Variants in JPH1 observed in about 807,000 individuals in gnomAD.
JPH1 encodes the protein junctophilin-1.
JPH1 carries 12 observed loss-of-function variants against 53.6 expected under a neutral mutation model. The observed-to-expected ratio is 0.22, with a 90% CI of 0.14 to 0.36. JPH1 has a LOEUF of 0.36. JPH1 is among the 10% of genes least tolerant of loss of function. JPH1 has a pLI of 1.00. For missense variants in JPH1, 808 were observed against 905.5 expected, an observed-to-expected ratio of 0.89 and a Z score of 1.38; for synonymous variants, 375 against 363.8, an observed-to-expected ratio of 1.03 and a Z score of -0.35.
chr8:74,292,266 T>C (rs1203604219), intron 2 of JPH1, among the ~76,000 whole-genome samples: 1 of 152,248 alleles, frequency 6.6e-6, no homozygotes, highest in Non-Finnish European at 1.5e-5. Flanking sequence ...CACAGTGATG[T>C]GGAATGTTCC....
chr8:74,244,881 G>A lies in JPH1; in HGVS notation c.1553C>T (p.Ala518Val). Reference protein sequence around the residue: ...AIVNKPLMSKAPTKEAGAVVP... With the variant: ...AIVNKPLMSKVPTKEAGAVVP... Reference sequence around the variant, plus strand: ...AACCGCTCCTGCCTCCTTCGTGGGAGCCTTTGACATCAAGGGCTTATTGAC... The same window carrying A: ...AACCGCTCCTGCCTCCTTCGTGGGAACCTTTGACATCAAGGGCTTATTGAC... Residue 518 changes from alanine to valine, a missense_variant, in exon 4 of 6, where the codon GCT becomes GTT. Around this residue, in one of 2 missense-constraint regions of JPH1, gnomAD observed 756 missense variants for 811.9 expected, o/e 0.93. Transcript: ENST00000342232. 1 of 1,614,170 alleles carries A rather than the reference G, an allele frequency of 6.2e-7. No individual in the cohort carries two copies. The highest frequency in any genetic ancestry group is 1.7e-5 in the Admixed American group (1 of 60,014).
At chr8:74,301,390 G>A (rs1036157077) in intron 2 of JPH1, among the ~76,000 whole-genome samples, 8 of 152,174 alleles carry the variant, frequency 5.3e-5, no homozygotes, top group Admixed American at 5.2e-4. Context: ...AAATTTTAGT[G>A]TGCCCAAGAA....
chr8:74,311,000 T>C (rs971444132), intron 2 of JPH1, among the ~76,000 whole-genome samples: 6 of 152,180 alleles, frequency 3.9e-5, no homozygotes, highest in Admixed American at 1.3e-4. Flanking sequence ...AGATCTGAAA[T>C]TGGGGGCCTT....
chr8:74,291,864 A>T (rs1473721482), intron 2 of JPH1, among the ~76,000 whole-genome samples: 1 of 152,214 alleles, frequency 6.6e-6, no homozygotes, highest in Non-Finnish European at 1.5e-5. Context: ...GGATGAGTTC[A>T]TGTCCTTTGT....
intron 2 of JPH1, among the ~76,000 whole-genome samples, chr8:74,278,991 AC>A (rs1563408657): frequency 1.6e-5 from 1 of 64,094 alleles, no homozygotes; most frequent in African/African-American, 8.3e-5. Flanking sequence ...ACACGCGCGC[AC>A]ACACACACAC....
At chr8:74,285,346 T>C (rs973283872) in intron 2 of JPH1, among the ~76,000 whole-genome samples, 3 of 152,040 alleles carry the variant, frequency 2.0e-5, no homozygotes, top group African/African-American at 7.2e-5. Context: ...TATATGTATT[T>C]AAAATATTTT....
intron 1 of JPH1, among the ~76,000 whole-genome samples, chr8:74,319,274 T>C (rs1173990337): frequency 1.3e-5 from 2 of 152,188 alleles, no homozygotes; most frequent in Non-Finnish European, 2.9e-5. Flanking sequence ...AAGAGAACCA[T>C]CCCTGGCCTT....
rs748078221 is a variant in JPH1, at chr8:74,315,073, T to C, written c.927A>G (p.Ala309=). ...SNGMKYEGEW[A]NNKRHGYGCT... ...AGCCATATCCATGCCTCTTGTTATT[T>C]GCCCACTCCCCTTCATACTTCATGC... Residue 309 remains alanine, a synonymous_variant, in exon 2 of 6, where the codon GCA becomes GCG. Transcript: ENST00000342232. This position sits in a 1 kb window ranked among gnomAD's most constrained non-coding sequence, Gnocchi z 6.3. The C allele has an allele frequency of 5.6e-6, 9 of 1,614,244 alleles. No homozygotes were observed. In the South Asian group the frequency reaches 9.9e-5, roughly 18 times the overall value.
intron 2 of JPH1, among the ~76,000 whole-genome samples, chr8:74,278,354 G>A (rs1196108140): frequency 6.6e-6 from 1 of 152,134 alleles, no homozygotes; most frequent in African/African-American, 2.4e-5. Flanking sequence ...CTAATACATG[G>A]CACTGTCTTT....
chr8:74,246,411 T>C (rs1374174027), intron 3 of JPH1, among the ~76,000 whole-genome samples: 6 of 152,196 alleles, frequency 3.9e-5, no homozygotes, highest in East Asian at 3.8e-4. Flanking sequence ...TTATCCTTAA[T>C]TGTGAAACTA....
intron 2 of JPH1, among the ~76,000 whole-genome samples, chr8:74,313,595 T>G (rs1433165056): frequency 2.0e-5 from 3 of 151,576 alleles, no homozygotes; most frequent in Non-Finnish European, 2.9e-5. Context: ...TTGAACCATA[T>G]GATGTCACCA....
intron 3 of JPH1, among the ~76,000 whole-genome samples, chr8:74,250,567 G>A (rs6999645): frequency 0.7 from 106,648 of 152,168 alleles, 37,638 homozygotes; most frequent in East Asian, 0.81. Flanking sequence ...TACAACCCGT[G>A]GCCCAACACA....
At chr8:74,286,448 T>C (rs1807166481) in intron 2 of JPH1, among the ~76,000 whole-genome samples, 1 of 152,198 alleles carries the variant, frequency 6.6e-6, no homozygotes, top group Non-Finnish European at 1.5e-5. Flanking sequence ...CTCTTCTAGC[T>C]ATCTTAAAAG....
At position 74,307,738 on chromosome 8, in the gene JPH1, C is replaced by T. The variant is rs183356560; in HGVS notation, c.1139+7123G>A. On this transcript the variant is annotated intron_variant, in intron 2 of 5. Transcript: ENST00000342232. ...AAATCTGTAGAAAAGGTGATCTAAACTTTGTTTAAAAATATAATACAACCA... is the reference window on the plus strand; with the variant it reads ...AAATCTGTAGAAAAGGTGATCTAAATTTTGTTTAAAAATATAATACAACCA... Among the ~76,000 whole-genome samples the T allele has an allele frequency of 3.9e-5, 6 of 152,252 alleles. No individual in the cohort carries two copies. The East Asian group carries it at 1.2e-3, about 29-fold the overall frequency.
rs148651924 is a variant in JPH1, at chr8:74,245,181, C to CAA, written c.1259-8_1259-7dup. On this transcript the variant is annotated splice_polypyrimidine_tract_variant and splice_region_variant and intron_variant, in intron 3 of 5. Coordinates refer to ENST00000342232, the MANE Select transcript of JPH1 (RefSeq NM_020647.4). ...CTGTTTGACGTAATCAGGGCCTGGC[C>CAA]AAAAAAAAAAGAAAAAAGAAAAAAA... is the stretch of plus-strand genomic sequence containing the variant. 13,350 of 1,250,680 alleles carry CAA rather than the reference C, an allele frequency of 0.011. 812 individuals are homozygous for CAA. In the African/African-American group the frequency reaches 0.18, roughly 17 times the overall value. The allele number at this position is 1,250,680 out of a possible 1,614,324, so 77.5% of individuals were successfully genotyped here.
chr8:74,255,943 G>A (rs915911483), intron 3 of JPH1, among the ~76,000 whole-genome samples: 4 of 152,196 alleles, frequency 2.6e-5, no homozygotes, highest in African/African-American at 9.7e-5. Context: ...CACTGTTGGT[G>A]GGACTGTAAA....
intron 4 of JPH1, among the ~76,000 whole-genome samples, chr8:74,238,896 G>A (rs752567771): frequency 6.6e-6 from 1 of 152,178 alleles, no homozygotes; most frequent in Non-Finnish European, 1.5e-5. Context: ...GGCCTTAAGC[G>A]ATCCTGCCAC....
At chr8:74,290,408 G>T (rs1449180132) in intron 2 of JPH1, among the ~76,000 whole-genome samples, 1 of 152,030 alleles carries the variant, frequency 6.6e-6, no homozygotes, top group Non-Finnish European at 1.5e-5. Flanking sequence ...AAATACCTAG[G>T]AATCCAACTT....
chr8:74,293,038 A>G (rs1375733026), intron 2 of JPH1, among the ~76,000 whole-genome samples: 2 of 152,216 alleles, frequency 1.3e-5, no homozygotes, highest in East Asian at 3.8e-4. Context: ...AGGTGTGGTC[A>G]TACAAACCAC....
Sources: allele counts gnomAD v4.1 joint callset (sites outside exome capture counted in the v4.1 genomes callset), GRCh38; gene constraint gnomAD v4.1.1; regional missense constraint gnomAD v4.1.1; non-coding constraint Gnocchi (gnomAD v3.1); transcripts MANE v1.5; gene names NCBI Gene and HGNC (gene_info 2026-07-23, HGNC 2026-07-21).